Variants in ADAM9 observed in about 807,000 individuals in gnomAD.
The protein encoded by ADAM9 is disintegrin and metalloproteinase domain-containing protein 9.
Under a neutral mutation model 108.1 loss-of-function variants are expected in ADAM9, and 54 were observed. The ratio of observed to expected loss-of-function variants is 0.50; its 90% CI spans 0.40 to 0.63. The LOEUF is 0.63. Ranked by LOEUF, ADAM9 falls within the 20% of genes least tolerant of loss-of-function variation. The probability of loss-of-function intolerance (pLI) is 0.00; values close to 1 mark genes in which losing one functional copy is unlikely to be tolerated. For missense variants in ADAM9, 830 were observed against 997.7 expected (o/e 0.83, Z 2.26); for synonymous variants, 316 against 336.0 (o/e 0.94, Z 0.65).
At chr8:39,021,315 C>T (rs1355445933) in intron 7 of ADAM9, among the ~76,000 whole-genome samples, 1 of 151,962 alleles carries the variant, frequency 6.6e-6, no homozygotes, top group African/African-American at 2.4e-5. Flanking sequence ...TGGAGTTTTG[C>T]TCTTTCTCCC....
intron 18 of ADAM9, among the ~76,000 whole-genome samples, chr8:39,083,377 G>A (rs1231717809): frequency 6.6e-6 from 1 of 152,094 alleles, no homozygotes; most frequent in African/African-American, 2.4e-5. Context: ...TTTTGATTTT[G>A]TCAGCGTCTT....
chr8:39,016,001 A>C (rs1391157798), intron 4 of ADAM9, 117 bp from the exon 5 acceptor site: 1 of 931,116 alleles, frequency 1.1e-6, no homozygotes, highest in East Asian at 2.5e-5. Flanking sequence ...AATATAAATA[A>C]AACTTTGTTA....
At chr8:39,031,479 C>A (rs1335394179) in intron 11 of ADAM9, among the ~76,000 whole-genome samples, 1 of 152,178 alleles carries the variant, frequency 6.6e-6, no homozygotes, top group African/African-American at 2.4e-5. Context: ...AGTTCTCGTG[C>A]CATGGTTTTC....
At chr8:39,103,490 A>T in intron 21 of ADAM9, 117 bp from the exon 22 acceptor site, 1 of 988,064 alleles carries the variant, frequency 1.0e-6, no homozygotes, top group Non-Finnish European at 1.6e-6. Context: ...CAGAATGTAC[A>T]GTACCCTTTC....
At position 39,012,350 on chromosome 8, in the gene ADAM9, T is replaced by C. The variant is rs564417303; in HGVS notation, c.254+634T>C. ...CTTCCATTTATTCATCTCTAGTCAA[T>C]ATAGACAGGCTGTCAACCATTGTGG... is the stretch of plus-strand genomic sequence containing the variant. On this transcript the variant is annotated intron_variant, in intron 3 of 21. Coordinates refer to ENST00000487273, the MANE Select transcript of ADAM9 (RefSeq NM_003816.3). Among the ~76,000 whole-genome samples the C allele has an allele frequency of 2.6e-5, 4 of 152,308 alleles. No homozygotes were observed. In the South Asian group the frequency reaches 6.2e-4, roughly 24 times the overall value.
chr8:39,017,692 A>G (rs746682153), intron 6 of ADAM9, among the ~76,000 whole-genome samples: 2 of 152,188 alleles, frequency 1.3e-5, no homozygotes, highest in Non-Finnish European at 2.9e-5. Flanking sequence ...AGCTCAAGCA[A>G]TCCTCCTGCC....
chr8:39,002,038 A>C (rs1836009999), intron 1 of ADAM9, among the ~76,000 whole-genome samples: 1 of 150,996 alleles, frequency 6.6e-6, no homozygotes, highest in African/African-American at 2.4e-5. Flanking sequence ...ATGATTAAAA[A>C]AAAAAAAAAA....
chr8:39,098,541 A>C (rs532234385), intron 20 of ADAM9, among the ~76,000 whole-genome samples: 1 of 152,302 alleles, frequency 6.6e-6, no homozygotes, highest in African/African-American at 2.4e-5. Flanking sequence ...TAACCAACTC[A>C]TTGAATATCT....
chr8:38,998,765 G>A lies in ADAM9; in HGVS notation c.97+1605G>A, dbSNP rs183032357. Reference sequence around the variant, plus strand: ...GAAAGTTTTTGCAAGAGTATGGTGGGGCGGGGGGCGTATGAAAGAACATGA... The same window carrying A: ...GAAAGTTTTTGCAAGAGTATGGTGGAGCGGGGGGCGTATGAAAGAACATGA... On this transcript the variant is annotated intron_variant, in intron 1 of 21. Coordinates refer to ENST00000487273, the MANE Select transcript of ADAM9 (RefSeq NM_003816.3). 8.3e-3 allele frequency among the ~76,000 whole-genome samples: 1,257 copies of A among 152,224 alleles called. 10 individuals are homozygous for A. Among genetic ancestry groups the A allele is most frequent in the South Asian group, 0.012 (58 of 4,788 alleles).
intron 3 of ADAM9, among the ~76,000 whole-genome samples, chr8:39,011,978 G>A (rs1249415771): frequency 6.6e-5 from 10 of 152,216 alleles, no homozygotes; most frequent in Non-Finnish European, 7.3e-5. Context: ...ACATATGTGG[G>A]GGAGTTGGGG....
intron 1 of ADAM9, among the ~76,000 whole-genome samples, chr8:38,998,310 A>G (rs766001910): frequency 6.6e-6 from 1 of 152,234 alleles, no homozygotes; most frequent in African/African-American, 2.4e-5. Flanking sequence ...GGTTAAAACT[A>G]CTTTTCCGGT....
chr8:39,028,603 A>T (rs1837000862), intron 11 of ADAM9, among the ~76,000 whole-genome samples: 1 of 152,226 alleles, frequency 6.6e-6, no homozygotes, highest in African/African-American at 2.4e-5. Flanking sequence ...TTAATATGGT[A>T]TAGGAAGCAA....
chr8:39,008,277 TCTCCTGC>T (rs998464841), intron 2 of ADAM9, among the ~76,000 whole-genome samples: 2 of 152,100 alleles, frequency 1.3e-5, no homozygotes, highest in African/African-American at 4.8e-5. Flanking sequence ...TTCAAGTGAT[TCTCCTGC>T]CTCAGCCTTC....
intron 20 of ADAM9, 22 bp downstream of exon 20, chr8:39,091,368 A>T: frequency 6.3e-7 from 1 of 1,596,852 alleles, no homozygotes; most frequent in Non-Finnish European, 8.6e-7. Context: ...ATGAAAAATT[A>T]TTTTTCTTTA....
intron 11 of ADAM9, among the ~76,000 whole-genome samples, chr8:39,035,620 C>A (rs911207716): frequency 6.6e-6 from 1 of 151,988 alleles, no homozygotes. Context: ...AGATCGAGAC[C>A]ATCCTGGCTA....
intron 15 of ADAM9, 89 bp downstream of exon 15, chr8:39,071,492 G>C: frequency 8.6e-7 from 1 of 1,157,256 alleles, no homozygotes. Context: ...TTTTGAGACG[G>C]AGTCTTGCTC....
chr8:39,079,019 G>A (rs1838936932), intron 16 of ADAM9, among the ~76,000 whole-genome samples: 1 of 152,162 alleles, frequency 6.6e-6, no homozygotes, highest in South Asian at 2.1e-4. Flanking sequence ...CAGACGAGGT[G>A]AGAGAAAACA....
chr8:39,041,905 A>G (rs773197270), intron 11 of ADAM9, 41 bp from the exon 12 acceptor site: 2 of 1,582,524 alleles, frequency 1.3e-6, no homozygotes, highest in East Asian at 2.2e-5. Flanking sequence ...CAAAGTGAGT[A>G]ATCACTGTGA....
intron 2 of ADAM9, among the ~76,000 whole-genome samples, chr8:39,009,377 C>T (rs1836270556): frequency 6.6e-6 from 1 of 152,160 alleles, no homozygotes; most frequent in Admixed American, 6.5e-5. Context: ...GTAGCTGGGA[C>T]TACAGGCATG....
Sources: allele counts gnomAD v4.1 joint callset (sites outside exome capture counted in the v4.1 genomes callset), GRCh38; gene constraint gnomAD v4.1.1; transcripts MANE v1.5; gene names NCBI Gene and HGNC (gene_info 2026-07-23, HGNC 2026-07-21).